PCDHGB2: variants seen among roughly 807,000 people sequenced by gnomAD.
PCDHGB2 encodes the protein protocadherin gamma-B2.
Under a neutral mutation model 59.3 loss-of-function variants are expected in PCDHGB2, and 55 were observed. The ratio of observed to expected loss-of-function variants is 0.93; its 90% CI spans 0.75 to 1.16. The LOEUF (loss-of-function observed/expected upper bound fraction) is 1.16. PCDHGB2 is among the 50% of genes most tolerant of loss of function. PCDHGB2 has a pLI of 0.00. For missense variants in PCDHGB2, 1,228 were observed against 1,198.5 expected (o/e 1.02, Z -0.36); for synonymous variants, 516 against 512.0 (o/e 1.01, Z -0.11).
intron 1 of PCDHGB2, among the ~76,000 whole-genome samples, chr5:141,397,436 G>GT (rs1255719276): frequency 6.6e-6 from 1 of 152,172 alleles, no homozygotes; most frequent in Non-Finnish European, 1.5e-5. Flanking sequence ...TCCCTAATAT[G>GT]TGTAATATAA....
At chr5:141,423,367 G>A (rs1478466218) in intron 1 of PCDHGB2, 2 of 1,614,068 alleles carry the variant, frequency 1.2e-6, no homozygotes, top group Admixed American at 1.7e-5. Context: ...CGTGCTGCTG[G>A]CACTCAGGCT....
intron 1 of PCDHGB2, among the ~76,000 whole-genome samples, chr5:141,369,555 A>C (rs1302531724): frequency 6.6e-6 from 1 of 152,218 alleles, no homozygotes; most frequent in Non-Finnish European, 1.5e-5. Flanking sequence ...AGACACTTGG[A>C]AACAAAGGAA....
intron 1 of PCDHGB2, among the ~76,000 whole-genome samples, chr5:141,435,264 T>C (rs1442193276): frequency 5.3e-5 from 8 of 152,222 alleles, no homozygotes; most frequent in Non-Finnish European, 8.8e-5. Context: ...GATATGTCCA[T>C]TTATACTTTC....
intron 1 of PCDHGB2, among the ~76,000 whole-genome samples, chr5:141,386,684 T>A (rs1216561775): frequency 6.6e-6 from 1 of 152,098 alleles, no homozygotes; most frequent in African/African-American, 2.4e-5. Flanking sequence ...AGATGTACAA[T>A]CACTTGGGGT....
chr5:141,423,462 C>G, intron 1 of PCDHGB2: 1 of 1,613,924 alleles, frequency 6.2e-7, no homozygotes, highest in Non-Finnish European at 8.5e-7. Flanking sequence ...TAGGCGTGGA[C>G]GGGGTACAGG....
chr5:141,364,176 C>T, intron 1 of PCDHGB2: 2 of 835,076 alleles, frequency 2.4e-6, no homozygotes, highest in East Asian at 6.0e-5. Context: ...CGACTCTGCT[C>T]CCTCCATACT....
intron 2 of PCDHGB2, among the ~76,000 whole-genome samples, chr5:141,503,340 T>A (rs1394172617): frequency 6.6e-6 from 1 of 152,064 alleles, no homozygotes; most frequent in African/African-American, 2.4e-5. Flanking sequence ...CTCACGCCTG[T>A]AATTCCAGCA....
intron 1 of PCDHGB2, chr5:141,418,389 AT>A (rs1429903562): frequency 5.6e-6 from 9 of 1,613,878 alleles, no homozygotes; most frequent in Non-Finnish European, 6.8e-6. Flanking sequence ...CCTAACGAGT[AT>A]TTCTCATTGG....
chr5:141,400,369 T>C (rs2150855153), intron 1 of PCDHGB2: 2 of 1,614,078 alleles, frequency 1.2e-6, no homozygotes, highest in Admixed American at 3.3e-5. Context: ...GCCTTATTCC[T>C]ACAACCTATG....
At chr5:141,413,606 T>C (rs756987695) in intron 1 of PCDHGB2, 1 of 1,613,848 alleles carries the variant, frequency 6.2e-7, no homozygotes, top group Admixed American at 1.7e-5. Context: ...AATCTAGACG[T>C]AAAAATTAAT....
At chr5:141,433,181 G>T (rs199507607) in intron 1 of PCDHGB2, 45 of 1,607,620 alleles carry the variant, frequency 2.8e-5, no homozygotes, top group Non-Finnish European at 3.4e-5. Context: ...TGGGTTAATT[G>T]AGGTGAGTTT....
At chr5:141,387,663 T>G (rs999949836) in intron 1 of PCDHGB2, 6 of 673,368 alleles carry the variant, frequency 8.9e-6, no homozygotes, top group Admixed American at 6.4e-5. Flanking sequence ...AGCTTGGCGC[T>G]CCAGATCTCC....
intron 1 of PCDHGB2, chr5:141,478,866 C>G: frequency 7.7e-7 from 1 of 1,304,352 alleles, no homozygotes; most frequent in East Asian, 2.5e-5. Context: ...TCTCAGCGAT[C>G]AGAGTTTAGC....
At chr5:141,409,484 G>A in intron 1 of PCDHGB2, 1 of 1,613,974 alleles carries the variant, frequency 6.2e-7, no homozygotes, top group Non-Finnish European at 8.5e-7. Flanking sequence ...CACTGACAGG[G>A]GCAAGCCGCC....
intron 1 of PCDHGB2, chr5:141,379,491 C>T (rs1173749207): frequency 6.6e-6 from 1 of 152,150 alleles, no homozygotes; most frequent in Non-Finnish European, 1.5e-5. Context: ...ACTATACTAC[C>T]AATTTGGGAT....
Position 141,399,638 on chromosome 5 carries a change from G to A in PCDHGB2, c.2421+37082G>A, listed in dbSNP as rs1180030777. The A allele has an allele frequency of 3.7e-6, 6 of 1,613,860 alleles. No individual in the cohort carries two copies. The highest frequency in any genetic ancestry group is 1.3e-5 in the African/African-American group (1 of 75,082). ...GCACTGGCCTCTTACGTGTCCATGAGCGCGCAAAGTGGGGTGGTGTTCGCG... is the reference window on the plus strand; with the variant it reads ...GCACTGGCCTCTTACGTGTCCATGAACGCGCAAAGTGGGGTGGTGTTCGCG... On this transcript the variant is annotated intron_variant, in intron 1 of 3. Coordinates refer to ENST00000522605, the MANE Select transcript of PCDHGB2 (RefSeq NM_018923.3).
At chr5:141,392,819 C>A (rs1346235587) in intron 1 of PCDHGB2, 7 of 1,590,376 alleles carry the variant, frequency 4.4e-6, no homozygotes, top group Non-Finnish European at 6.0e-6. Context: ...CAACAATGGC[C>A]GCTCCACAGA....
At chr5:141,468,330 CAAA>C (rs533390277) in intron 1 of PCDHGB2, 32,113 of 79,068 alleles carry the variant, frequency 0.41, 3,870 homozygotes, top group African/African-American at 0.52. Flanking sequence ...AACTCCATCT[CAAA>C]AAAAAAAAAA....
chr5:141,509,086 A>T lies in PCDHGB2; in HGVS notation c.2570-1861A>T, dbSNP rs147084289. On this transcript the variant is annotated intron_variant, in intron 3 of 3. Coordinates refer to ENST00000522605, the MANE Select transcript of PCDHGB2 (RefSeq NM_018923.3). ...CAGCTCCGGGGATTTGCGACATGAAATGGGGGCTGTAGAAACCTGAGCGCT... is the reference window on the plus strand; with the variant it reads ...CAGCTCCGGGGATTTGCGACATGAATTGGGGGCTGTAGAAACCTGAGCGCT... 8.3e-3 allele frequency among the ~76,000 whole-genome samples: 1,261 copies of T among 152,228 alleles called. 7 individuals are homozygous for T. Among genetic ancestry groups the T allele is most frequent in the Middle Eastern group, 0.037 (11 of 294 alleles).
Sources: gnomAD v4.1 joint callset for allele counts (sites outside exome capture counted in the v4.1 genomes callset) on GRCh38, gnomAD v4.1.1 for gene constraint, MANE v1.5 for transcripts, NCBI Gene and HGNC (gene_info 2026-07-23, HGNC 2026-07-21) for gene names.